The following SNAP29 variants were observed in gnomAD, a reference collection of about 807,000 sequenced individuals.
SNAP29 encodes synaptosomal-associated protein 29.
In SNAP29, 13 loss-of-function variants were observed where a neutral mutation model predicts 27.9. That is an observed-to-expected ratio of 0.47 (90% CI 0.30 to 0.74). The LOEUF (loss-of-function observed/expected upper bound fraction) is 0.74, where lower values mean the gene tolerates loss of function less well. Ranked by LOEUF, SNAP29 falls within the 30% of genes least tolerant of loss-of-function variation. The probability of loss-of-function intolerance (pLI) is 0.06; values close to 1 mark genes in which losing one functional copy is unlikely to be tolerated. For synonymous variants in SNAP29, 119 were observed against 127.1 expected, an observed-to-expected ratio of 0.94 and a Z score of 0.43; for missense variants, 368 against 336.5, an observed-to-expected ratio of 1.09 and a Z score of -0.73.
At chr22:20,884,901 G>A (rs1426060610) in intron 4 of SNAP29, among the ~76,000 whole-genome samples, 1 of 152,052 alleles carries the variant, frequency 6.6e-6, no homozygotes, top group Non-Finnish European at 1.5e-5. Flanking sequence ...TCGGCCTCCC[G>A]AGTAGCTGGA....
At chr22:20,859,521 C>A in intron 1 of SNAP29, 174 bp downstream of exon 1, 1 of 630,250 alleles carries the variant, frequency 1.6e-6, no homozygotes. Flanking sequence ...GTATGTGCAT[C>A]TGGAGTACTT....
chr22:20,870,814 G>GC, intron 2 of SNAP29: 3 of 497,204 alleles, frequency 6.0e-6, no homozygotes, highest in South Asian at 4.1e-5. Flanking sequence ...CTGTACAAAT[G>GC]TGACTCACTT....
chr22:20,891,198 ATGTC>A lies in SNAP29; in HGVS notation c.*3363_*3366del, dbSNP rs1488523537. ...TTAACTCGGGTTGCAAGAAATAAAA[ATGTC>A]AGTGCATTTAAATTTCTCTTTAACC... On this transcript the variant is annotated 3_prime_UTR_variant, in exon 5 of 5. Coordinates refer to ENST00000215730, the MANE Select transcript of SNAP29 (RefSeq NM_004782.4). 6.6e-6 allele frequency: 1 copy of A among 152,236 alleles called. No homozygotes were observed. Among genetic ancestry groups the A allele is most frequent in the African/African-American group, 2.4e-5 (1 of 41,464 alleles). The allele number at this position is 152,236 out of a possible 1,614,324, so 9.4% of individuals were successfully genotyped here.
chr22:20,885,931 T>C (rs545538288), intron 4 of SNAP29, among the ~76,000 whole-genome samples: 2 of 152,282 alleles, frequency 1.3e-5, no homozygotes, highest in South Asian at 2.1e-4. Flanking sequence ...TCCAGCGCCC[T>C]GGCCTGGTGG....
chr22:20,880,586 C>T (rs1445290580), intron 2 of SNAP29, among the ~76,000 whole-genome samples: 1 of 152,020 alleles, frequency 6.6e-6, no homozygotes, highest in Non-Finnish European at 1.5e-5. Flanking sequence ...TGTTTGCTGA[C>T]TGTAGTCTAA....
At chr22:20,861,413 C>T (rs188819019) in intron 1 of SNAP29, among the ~76,000 whole-genome samples, 381 of 152,098 alleles carry the variant, frequency 2.5e-3, no homozygotes, top group Middle Eastern at 0.02. Flanking sequence ...ACCTAGCCCA[C>T]CTCCCTGTGT....
intron 1 of SNAP29, among the ~76,000 whole-genome samples, chr22:20,864,562 A>T (rs1029802496): frequency 6.6e-6 from 1 of 152,152 alleles, no homozygotes; most frequent in Non-Finnish European, 1.5e-5. Flanking sequence ...GACCAAAGTC[A>T]CCCCTCTGAG....
At position 20,887,845 on chromosome 22, in the gene SNAP29, G is replaced by A. The variant is rs373817661; in HGVS notation, c.*9G>A. 105 of 1,612,504 alleles carry A rather than the reference G, an allele frequency of 6.5e-5. No homozygotes were observed. In the South Asian group the frequency reaches 6.9e-4, roughly 11 times the overall value. ...AAGTTCGACAACTCTGAAGACAGAC[G>A]GATTTCCACTCTATTGTGATGAAAA... On this transcript the variant is annotated 3_prime_UTR_variant, in exon 5 of 5. Transcript: ENST00000215730.
At position 20,889,475 on chromosome 22, in the gene SNAP29, GCT is replaced by G. The variant is rs1171140791; in HGVS notation, c.*1640_*1641del. The G allele has an allele frequency of 6.6e-6, 1 of 152,184 alleles. No homozygotes were observed. Among genetic ancestry groups the G allele is most frequent in the Admixed American group, 6.5e-5 (1 of 15,272 alleles). 9.4% of individuals were successfully genotyped at this position (152,184 alleles called of 1,614,324 possible). A position where few individuals can be genotyped will look rare whatever the true frequency, so the allele number is the denominator to read the frequency against. On this transcript the variant is annotated 3_prime_UTR_variant, in exon 5 of 5. Transcript: ENST00000215730. Reference sequence around the variant, plus strand: ...CCCAGGGTGTGAGGGCCTGATTAAAGCTTATCGAACTAGACATTTGTTTATTA... The same window carrying G: ...CCCAGGGTGTGAGGGCCTGATTAAAGTATCGAACTAGACATTTGTTTATTA...
rs182913361 is a variant in SNAP29 at position 20,887,092 on chromosome 22, G to A, written c.620-587G>A. 7.4e-3 allele frequency among the ~76,000 whole-genome samples: 1,121 copies of A among 152,004 alleles called. 16 individuals are homozygous for A. Among genetic ancestry groups the A allele is most frequent in the African/African-American group, 0.026 (1,060 of 41,470 alleles). ...CAAAAAAAATTAGTCGGGTGTGGTGGCGTGTGCCTGTAGTCCCAGCTACTC... is the reference window on the plus strand; with the variant it reads ...CAAAAAAAATTAGTCGGGTGTGGTGACGTGTGCCTGTAGTCCCAGCTACTC... On this transcript the variant is annotated intron_variant, in intron 4 of 4. Coordinates refer to ENST00000215730, the MANE Select transcript of SNAP29 (RefSeq NM_004782.4).
intron 4 of SNAP29, among the ~76,000 whole-genome samples, chr22:20,884,522 C>T (rs1260308812): frequency 6.6e-6 from 1 of 152,086 alleles, no homozygotes; most frequent in Non-Finnish European, 1.5e-5. Context: ...CCTGGATGGG[C>T]TCCCCCGACT....
At chr22:20,885,476 T>C (rs905809791) in intron 4 of SNAP29, among the ~76,000 whole-genome samples, 1 of 151,938 alleles carries the variant, frequency 6.6e-6, no homozygotes, top group African/African-American at 2.4e-5. Flanking sequence ...AGGCAGAAGG[T>C]GTGTCTGCCC....
At position 20,888,091 on chromosome 22, in the gene SNAP29, G is replaced by A. The variant is rs187586025; in HGVS notation, c.*255G>A. The A allele has an allele frequency of 6.6e-4, 315 of 478,686 alleles. No individual in the cohort carries two copies. The highest frequency in any genetic ancestry group is 4.5e-3 in the African/African-American group (231 of 51,170). 29.7% of individuals were successfully genotyped at this position (478,686 alleles called of 1,614,324 possible). A position where few individuals can be genotyped will look rare whatever the true frequency, so the allele number is the denominator to read the frequency against. The stretch of plus-strand genomic sequence containing the variant: ...TGTCTGAGCACAGTAGCCTGGCCCT[G>A]CATATCTTGGGCGTTTGATTACCAT... On this transcript the variant is annotated 3_prime_UTR_variant, in exon 5 of 5. Coordinates refer to ENST00000215730, the MANE Select transcript of SNAP29 (RefSeq NM_004782.4).
chr22:20,859,384 C>G (rs753162810), intron 1 of SNAP29, 37 bp downstream of exon 1: 29 of 1,382,564 alleles, frequency 2.1e-5, no homozygotes, highest in African/African-American at 5.7e-5. Flanking sequence ...ACTCGCCGGT[C>G]TCTGTGCTGT....
At chr22:20,880,223 C>A (rs1275239964) in intron 2 of SNAP29, among the ~76,000 whole-genome samples, 1 of 151,970 alleles carries the variant, frequency 6.6e-6, no homozygotes, top group Admixed American at 6.6e-5. Context: ...TGGGGCCAGG[C>A]GCAGTGGCTC....
rs557402151 is a variant in SNAP29 at position 20,882,866 on chromosome 22, C to T, written c.521-605C>T. ...TGAAGTTTCCCTGAAAGAGATAAAC[C>T]GGGATGACAGGGCTTTTCCGTGTGC... On this transcript the variant is annotated intron_variant, in intron 3 of 4. Transcript: ENST00000215730. Among the ~76,000 whole-genome samples, 9 of 152,160 alleles carry T rather than the reference C, an allele frequency of 5.9e-5. No homozygotes were observed. In the South Asian group the frequency reaches 1.2e-3, roughly 21 times the overall value.
At chr22:20,874,592 A>C (rs1928695702) in intron 2 of SNAP29, among the ~76,000 whole-genome samples, 1 of 150,030 alleles carries the variant, frequency 6.7e-6, no homozygotes, top group Non-Finnish European at 1.5e-5. Context: ...AAAAAAAAAA[A>C]AGTACTGCAG....
At chr22:20,871,483 A>C (rs939918644) in intron 2 of SNAP29, among the ~76,000 whole-genome samples, 2 of 106,320 alleles carry the variant, frequency 1.9e-5, no homozygotes, top group Non-Finnish European at 3.7e-5. Flanking sequence ...CCCTGTCTCT[A>C]AAAAAAAAAA....
intron 2 of SNAP29, among the ~76,000 whole-genome samples, chr22:20,875,479 G>C (rs1275638760): frequency 6.6e-6 from 1 of 152,212 alleles, no homozygotes; most frequent in African/African-American, 2.4e-5. Context: ...CAGGGATGCA[G>C]TGGGGACCCA....
Sources: allele counts gnomAD v4.1 joint callset (sites outside exome capture counted in the v4.1 genomes callset), GRCh38; gene constraint gnomAD v4.1.1; transcripts MANE v1.5; gene names NCBI Gene and HGNC (gene_info 2026-07-23, HGNC 2026-07-21).